LIMS1: variants seen among roughly 807,000 people sequenced by gnomAD.
LIMS1 encodes LIM zinc finger domain containing 1, also known as LIM and senescent cell antigen-like-containing domain protein 1.
LIMS1 carries 18 observed loss-of-function variants against 44.1 expected under a neutral mutation model. That is an observed-to-expected ratio of 0.41 (90% CI 0.28 to 0.61). LIMS1 has a LOEUF of 0.61. LIMS1 is among the 20% of genes least tolerant of loss of function. The pLI, the probability that LIMS1 is intolerant of heterozygous loss-of-function variation, is 0.32. For synonymous variants in LIMS1, 93 were observed against 149.1 expected (o/e 0.62, Z 2.74); for missense variants, 201 against 422.0 (o/e 0.48, Z 4.59).
intron 2 of LIMS1, among the ~76,000 whole-genome samples, chr2:108,667,103 A>G (rs1229251241): frequency 1.3e-5 from 2 of 151,878 alleles, no homozygotes; most frequent in Admixed American, 6.6e-5. Context: ...GAAAACCCCA[A>G]CCATCCGATT....
chr2:108,621,795 T>C (rs983389990), intron 1 of LIMS1, among the ~76,000 whole-genome samples: 1 of 152,182 alleles, frequency 6.6e-6, no homozygotes, highest in Non-Finnish European at 1.5e-5. Context: ...AGAGTTTTCT[T>C]TGGCTGATTG....
At chr2:108,587,641 A>ATGAATTC (rs1423058210) in intron 1 of LIMS1, among the ~76,000 whole-genome samples, 10 of 152,218 alleles carry the variant, frequency 6.6e-5, no homozygotes, top group African/African-American at 2.2e-4. Flanking sequence ...GAATTCAGGC[A>ATGAATTC]AGGACACCCT....
chr2:108,570,605 A>G (rs909193739), intron 1 of LIMS1, among the ~76,000 whole-genome samples: 31 of 152,182 alleles, frequency 2.0e-4, no homozygotes, highest in Admixed American at 1.2e-3. Context: ...AGATAAAAAA[A>G]GCTGAACTCT....
chr2:108,579,998 G>T (rs1324868325), intron 1 of LIMS1, among the ~76,000 whole-genome samples: 1 of 152,222 alleles, frequency 6.6e-6, no homozygotes, highest in African/African-American at 2.4e-5. Flanking sequence ...GGGGATGCCG[G>T]GTGGGAGCAA....
intron 1 of LIMS1, among the ~76,000 whole-genome samples, chr2:108,635,466 CAGCACTTCAGGAGGCCAA>C (rs1332418871): frequency 6.7e-6 from 1 of 148,784 alleles, no homozygotes; most frequent in African/African-American, 2.5e-5. Context: ...GTTGTAATCC[CAGCACTTCAGGAGGCCAA>C]GGCGGGTGGA....
At chr2:108,641,245 A>G (rs2148918651) in intron 1 of LIMS1, among the ~76,000 whole-genome samples, 1 of 152,282 alleles carries the variant, frequency 6.6e-6, no homozygotes, top group East Asian at 1.9e-4. Flanking sequence ...CATTTCACTC[A>G]TTTTCCTTTT....
At chr2:108,595,342 T>C (rs1558801415) in intron 1 of LIMS1, among the ~76,000 whole-genome samples, 1 of 152,156 alleles carries the variant, frequency 6.6e-6, no homozygotes, top group Non-Finnish European at 1.5e-5. Flanking sequence ...GTGTAATGTG[T>C]GCTTGAGGAA....
chr2:108,546,047 T>C (rs1209156385), intron 1 of LIMS1, among the ~76,000 whole-genome samples: 1 of 152,358 alleles, frequency 6.6e-6, no homozygotes, highest in East Asian at 1.9e-4. Context: ...TAGCATGTAA[T>C]CCTGTCTAGT....
At chr2:108,541,840 G>A (rs1377598284) in intron 1 of LIMS1, among the ~76,000 whole-genome samples, 6 of 152,156 alleles carry the variant, frequency 3.9e-5, no homozygotes, top group African/African-American at 1.4e-4. Context: ...TTTAGCCCCC[G>A]CTGTGTAGTA....
At chr2:108,607,155 G>T in intron 1 of LIMS1, 3 of 1,516,764 alleles carry the variant, frequency 2.0e-6, no homozygotes, top group Non-Finnish European at 2.7e-6. Context: ...GCCCCTTCCT[G>T]CATGTGAGGA....
exon 1 of LIMS1, chr2:108,534,471 G>A (rs1684044424): frequency 1.9e-6 from 2 of 1,045,766 alleles, no homozygotes; most frequent in African/African-American, 1.7e-5. Flanking sequence ...GGGCCCGCCA[G>A]TAGCCGGCCG....
At chr2:108,564,568 C>T (rs1482079619) in intron 1 of LIMS1, among the ~76,000 whole-genome samples, 3 of 151,992 alleles carry the variant, frequency 2.0e-5, no homozygotes, top group African/African-American at 4.8e-5. Flanking sequence ...AGGGAGGAGC[C>T]GGTGTTGCAC....
At chr2:108,536,850 C>A (rs1436283257) in intron 1 of LIMS1, among the ~76,000 whole-genome samples, 1 of 152,150 alleles carries the variant, frequency 6.6e-6, no homozygotes, top group Non-Finnish European at 1.5e-5. Context: ...CTCAGCCTCC[C>A]AAAGTGCTGG....
chr2:108,616,849 C>G (rs777679617), intron 1 of LIMS1, among the ~76,000 whole-genome samples: 16 of 152,220 alleles, frequency 1.1e-4, no homozygotes, highest in Admixed American at 2.6e-4. Flanking sequence ...AGGAAGACAG[C>G]TTGGCTGGCA....
At chr2:108,647,508 C>CA (rs1419348977) in intron 1 of LIMS1, among the ~76,000 whole-genome samples, 3 of 152,044 alleles carry the variant, frequency 2.0e-5, no homozygotes, top group African/African-American at 7.2e-5. Flanking sequence ...AGAGACACAA[C>CA]AAAAAAAGAA....
At chr2:108,585,550 T>G (rs78315245) in intron 1 of LIMS1, among the ~76,000 whole-genome samples, 1 of 152,038 alleles carries the variant, frequency 6.6e-6, no homozygotes, top group Admixed American at 6.5e-5. Flanking sequence ...CCAGTGCCAC[T>G]AACAGGGAGG....
At chr2:108,538,239 C>T (rs13419773) in intron 1 of LIMS1, among the ~76,000 whole-genome samples, 63,468 of 152,078 alleles carry the variant, frequency 0.42, 14,925 homozygotes, top group East Asian at 0.96. Flanking sequence ...ACAGAGGTTT[C>T]CTTTTCACTC....
chr2:108,664,101 A>G (rs1367420037), intron 2 of LIMS1, among the ~76,000 whole-genome samples: 1 of 152,146 alleles, frequency 6.6e-6, no homozygotes, highest in Non-Finnish European at 1.5e-5. Flanking sequence ...GATGTTTTAC[A>G]AAGAGGTTTC....
chr2:108,595,326 G>A (rs139675125), intron 1 of LIMS1, among the ~76,000 whole-genome samples: 161 of 152,214 alleles, frequency 1.1e-3, no homozygotes, highest in Non-Finnish European at 1.7e-3. Context: ...TTTTTCAGAT[G>A]AGGAGGTGTA....
Sources: gnomAD v4.1 joint callset for allele counts (sites outside exome capture counted in the v4.1 genomes callset) on GRCh38, gnomAD v4.1.1 for gene constraint, MANE v1.5 for transcripts, NCBI Gene and HGNC (gene_info 2026-07-23, HGNC 2026-07-21) for gene names.